CSNK1G1: variants seen among roughly 807,000 people sequenced by gnomAD.
The protein encoded by CSNK1G1 is casein kinase I isoform gamma-1.
In CSNK1G1, 22 loss-of-function variants were observed where a neutral mutation model predicts 59.6. That is an observed-to-expected ratio of 0.37 (90% CI 0.26 to 0.53). CSNK1G1 has a LOEUF of 0.53. Ranked by LOEUF, CSNK1G1 falls within the 20% of genes least tolerant of loss-of-function variation. The pLI is 0.89. For synonymous variants in CSNK1G1, 179 were observed against 177.1 expected, an observed-to-expected ratio of 1.01 and a Z score of -0.08; for missense variants, 384 against 519.5, an observed-to-expected ratio of 0.74 and a Z score of 2.54.
chr15:64,224,115 T>G (rs2082425716), intron 4 of CSNK1G1, among the ~76,000 whole-genome samples: 1 of 152,266 alleles, frequency 6.6e-6, no homozygotes, highest in Non-Finnish European at 1.5e-5. Context: ...CTAAATTACC[T>G]AACTATGAAG....
chr15:64,299,144 A>G (rs1895183741), intron 2 of CSNK1G1, among the ~76,000 whole-genome samples: 1 of 151,802 alleles, frequency 6.6e-6, no homozygotes, highest in African/African-American at 2.4e-5. Flanking sequence ...GAGTCTTCAC[A>G]TTAATCCACA....
chr15:64,172,554 G>A (rs2081687035), intron 11 of CSNK1G1, among the ~76,000 whole-genome samples: 2 of 152,132 alleles, frequency 1.3e-5, no homozygotes, highest in African/African-American at 2.4e-5. Flanking sequence ...AAGTAGGCAG[G>A]AGAGGCCCTG....
intron 1 of CSNK1G1, among the ~76,000 whole-genome samples, chr15:64,311,256 G>A (rs1895981302): frequency 6.6e-6 from 1 of 151,496 alleles, no homozygotes; most frequent in Non-Finnish European, 1.5e-5. Flanking sequence ...GTGTTGGCCA[G>A]GTTAGTCGCG....
intron 4 of CSNK1G1, among the ~76,000 whole-genome samples, chr15:64,232,291 C>T (rs1190516022): frequency 2.0e-5 from 3 of 151,928 alleles, no homozygotes; most frequent in Non-Finnish European, 4.4e-5. Flanking sequence ...GTTTTTGTTC[C>T]AAGCACACTT....
At chr15:64,264,523 T>C (rs1892877076) in intron 2 of CSNK1G1, among the ~76,000 whole-genome samples, 1 of 152,196 alleles carries the variant, frequency 6.6e-6, no homozygotes, top group South Asian at 2.1e-4. Context: ...CTAAACTTAT[T>C]CTGAGTCCAG....
chr15:64,342,155 A>G (rs1897712216), intron 1 of CSNK1G1, among the ~76,000 whole-genome samples: 1 of 152,142 alleles, frequency 6.6e-6, no homozygotes, highest in Admixed American at 6.5e-5. Context: ...GTGGCTCTCC[A>G]GATATTATTA....
chr15:64,225,133 C>T lies in CSNK1G1; in HGVS notation c.293-8420G>A, dbSNP rs548010402. ...AAGCGATTATCTTGCCTCAGCCACCCGAGTGGCTGGGATTACAGGCATGCA... is the reference window on the plus strand; with the variant it reads ...AAGCGATTATCTTGCCTCAGCCACCTGAGTGGCTGGGATTACAGGCATGCA... On this transcript the variant is annotated intron_variant, in intron 4 of 11. Transcript: ENST00000303052. Among the ~76,000 whole-genome samples the T allele has an allele frequency of 1.1e-4, 16 of 151,566 alleles. No individual in the cohort carries two copies. In the East Asian group the frequency reaches 1.2e-3, roughly 11 times the overall value.
intron 10 of CSNK1G1, among the ~76,000 whole-genome samples, chr15:64,201,271 C>CAA (rs545719275): frequency 0.075 from 4,867 of 64,818 alleles, 110 homozygotes; most frequent in South Asian, 0.11. Flanking sequence ...GACACTGTCT[C>CAA]AAAAAAAAAA....
intron 4 of CSNK1G1, among the ~76,000 whole-genome samples, chr15:64,227,741 A>G (rs542831853): frequency 6.6e-6 from 1 of 152,354 alleles, no homozygotes; most frequent in East Asian, 1.9e-4. Flanking sequence ...GAAGTACTAA[A>G]GACCCCATTT....
chr15:64,207,972 G>A (rs1399048107), intron 6 of CSNK1G1, among the ~76,000 whole-genome samples: 3 of 152,172 alleles, frequency 2.0e-5, no homozygotes, highest in African/African-American at 7.2e-5. Flanking sequence ...CAGAGAGTGA[G>A]CAGCAGATTA....
intron 2 of CSNK1G1, among the ~76,000 whole-genome samples, chr15:64,267,333 G>T (rs1893044640): frequency 6.6e-6 from 1 of 151,498 alleles, no homozygotes; most frequent in Non-Finnish European, 1.5e-5. Context: ...AGGCAAATGG[G>T]ATTATATCAA....
intron 1 of CSNK1G1, among the ~76,000 whole-genome samples, chr15:64,320,681 AAAAAAAAAAAAAAAAG>A (rs1896515357): frequency 6.7e-6 from 1 of 149,966 alleles, no homozygotes; most frequent in African/African-American, 2.4e-5. Flanking sequence ...TCCATCACAA[AAAAAAAAAAAAAAAAG>A]AAAAAAGAAA....
At chr15:64,226,002 G>A (rs904857308) in intron 4 of CSNK1G1, among the ~76,000 whole-genome samples, 14 of 152,282 alleles carry the variant, frequency 9.2e-5, no homozygotes, top group South Asian at 8.3e-4. Flanking sequence ...GCTCAAGCCC[G>A]CTCCCACTCT....
rs537225311 is a variant in CSNK1G1, at chr15:64,354,220, G to A, written c.-225+1768C>T. On this transcript the variant is annotated intron_variant, in intron 1 of 11. Coordinates refer to ENST00000303052, the MANE Select transcript of CSNK1G1 (RefSeq NM_022048.5). ...CTCAGGAGGCTGAGGCAGGAGAATC[G>A]CTTGAATCCTGGAGGTAGAGGTTGC... Among the ~76,000 whole-genome samples the A allele has an allele frequency of 5.8e-4, 89 of 152,248 alleles. 1 individual carries two copies. Among genetic ancestry groups the A allele is most frequent in the Admixed American group, 1.5e-3 (23 of 15,272 alleles).
intron 4 of CSNK1G1, among the ~76,000 whole-genome samples, chr15:64,244,366 T>TAAAAAA (rs142844348): frequency 9.0e-6 from 1 of 110,936 alleles, no homozygotes; most frequent in Non-Finnish European, 2.0e-5. Flanking sequence ...ACTGAAAAAT[T>TAAAAAA]AAAAAAAAAA....
chr15:64,173,619 CTTTT>C lies in CSNK1G1; in HGVS notation c.1215-1638_1215-1635del, dbSNP rs928192194. On this transcript the variant is annotated intron_variant, in intron 11 of 11. Coordinates refer to ENST00000303052, the MANE Select transcript of CSNK1G1 (RefSeq NM_022048.5). Reference sequence around the variant, plus strand: ...TTGGTGTTTTTCTTTCTTTTCTTTTCTTTTTTTTTTTTTTTTTTTTTGAGACTGA... The same window carrying C: ...TTGGTGTTTTTCTTTCTTTTCTTTTCTTTTTTTTTTTTTTTTTGAGACTGA... 2.2e-4 allele frequency among the ~76,000 whole-genome samples: 24 copies of C among 108,542 alleles called. No homozygotes were observed. In the East Asian group the frequency reaches 4.2e-3, roughly 19 times the overall value. 71.2% of individuals were successfully genotyped at this position (108,542 alleles called of 152,430 possible).
chr15:64,271,651 G>A (rs1893312540), intron 2 of CSNK1G1, among the ~76,000 whole-genome samples: 1 of 152,146 alleles, frequency 6.6e-6, no homozygotes, highest in African/African-American at 2.4e-5. Flanking sequence ...TGGTTCTTTT[G>A]AATTTGCTGA....
chr15:64,203,261 A>G, intron 9 of CSNK1G1, 72 bp from the exon 10 acceptor site: 1 of 892,080 alleles, frequency 1.1e-6, no homozygotes, highest in Non-Finnish European at 1.9e-6. Flanking sequence ...GGACAGAATG[A>G]TTCTAATTCT....
intron 1 of CSNK1G1, among the ~76,000 whole-genome samples, chr15:64,324,345 A>G (rs1282173229): frequency 6.6e-6 from 1 of 152,054 alleles, no homozygotes; most frequent in African/African-American, 2.4e-5. Flanking sequence ...AGGCAGACCC[A>G]CCCTTAATCT....
Sources: allele counts gnomAD v4.1 joint callset (sites outside exome capture counted in the v4.1 genomes callset), GRCh38; gene constraint gnomAD v4.1.1; transcripts MANE v1.5; gene names NCBI Gene and HGNC (gene_info 2026-07-23, HGNC 2026-07-21).